Variants in PLEKHS1 observed in about 807,000 individuals in gnomAD.
The protein encoded by PLEKHS1 is pleckstrin homology domain containing S1.
A neutral mutation model predicts 51.0 loss-of-function variants in PLEKHS1; 55 were observed. The ratio of observed to expected loss-of-function variants is 1.08; its 90% confidence interval spans 0.87 to 1.35. The LOEUF (loss-of-function observed/expected upper bound fraction) is 1.35, where lower values mean the gene tolerates loss of function less well. Among genes scored for constraint, PLEKHS1 ranks in the 40% most tolerant of loss-of-function variants. The pLI, the probability that PLEKHS1 is intolerant of heterozygous loss-of-function variation, is 0.00. For missense variants in PLEKHS1, 398 were observed against 423.0 expected (o/e 0.94, Z 0.52); for synonymous variants, 153 against 144.8 (o/e 1.06, Z -0.41).
chr10:113,769,755 C>A (rs1844317014), intron 6 of PLEKHS1, 29 bp from the exon 7 acceptor site: 2 of 1,429,778 alleles, frequency 1.4e-6, no homozygotes, highest in Non-Finnish European at 9.9e-7. Context: ...ATCAACTGTG[C>A]CCTGACTGAT....
intron 2 of PLEKHS1, among the ~76,000 whole-genome samples, chr10:113,758,183 C>T (rs747032441): frequency 8.5e-5 from 13 of 152,122 alleles, no homozygotes; most frequent in African/African-American, 2.4e-4. Context: ...GAATCCTTTC[C>T]AGAAGGTTTT....
At chr10:113,777,060 C>A in intron 11 of PLEKHS1, 64 bp from the exon 12 acceptor site, 1 of 1,583,590 alleles carries the variant, frequency 6.3e-7, no homozygotes, top group South Asian at 1.2e-5. Context: ...GGAGACCCTG[C>A]GTGCCCTGCC....
chr10:113,766,677 T>C (rs1285900256), exon 4 of PLEKHS1: 1 of 1,612,578 alleles, frequency 6.2e-7, no homozygotes, highest in South Asian at 1.1e-5. Flanking sequence ...GTCTTTCCTA[T>C]TATAAAGACC....
At position 113,769,768 on chromosome 10, in the gene PLEKHS1, CTTTT is replaced by C. The variant is rs750186238; in HGVS notation, c.436-12_436-9del. 4 of 1,561,868 alleles carry C rather than the reference CTTTT, an allele frequency of 2.6e-6. No individual in the cohort carries two copies. The South Asian group carries it at 4.5e-5, about 17-fold the overall frequency. ...AGATCAACTGTGCCCTGACTGATTC[CTTTT>C]TTTGTGAGCAGGAGGAACTCTCATT... On this transcript the variant is annotated splice_polypyrimidine_tract_variant and intron_variant, in intron 6 of 11. Transcript: ENST00000361048.
chr10:113,752,704 C>G (rs187869663), intron 1 of PLEKHS1, among the ~76,000 whole-genome samples: 4 of 152,324 alleles, frequency 2.6e-5, no homozygotes, highest in Admixed American at 2.6e-4. Flanking sequence ...AACCACCACA[C>G]CCTACTGCCT....
chr10:113,769,685 T>A, intron 6 of PLEKHS1, 99 bp from the exon 7 acceptor site: 1 of 760,060 alleles, frequency 1.3e-6, no homozygotes, highest in Non-Finnish European at 2.3e-6. Context: ...TAGATTGCTA[T>A]GGGAAAAGAC....
intron 2 of PLEKHS1, among the ~76,000 whole-genome samples, chr10:113,765,916 G>A (rs1274144501): frequency 6.6e-6 from 1 of 152,198 alleles, no homozygotes; most frequent in African/African-American, 2.4e-5. Context: ...GGTAATAGCT[G>A]GGGCTATTAG....
At chr10:113,756,405 G>A (rs949369481) in intron 2 of PLEKHS1, among the ~76,000 whole-genome samples, 1 of 152,158 alleles carries the variant, frequency 6.6e-6, no homozygotes. Flanking sequence ...AGGTTGCAGA[G>A]AGCCAAGATC....
chr10:113,775,973 G>A, intron 11 of PLEKHS1, 107 bp downstream of exon 11: 1 of 793,942 alleles, frequency 1.3e-6, no homozygotes, highest in Non-Finnish European at 1.9e-6. Context: ...TAGGTTTGGG[G>A]CGGGGGAGCT....
chr10:113,778,867 G>A (rs1395423764), intron 11 of PLEKHS1, among the ~76,000 whole-genome samples: 1 of 152,082 alleles, frequency 6.6e-6, no homozygotes, highest in Non-Finnish European at 1.5e-5. Context: ...TCCTGACCTC[G>A]TGATCCGCCC....
At chr10:113,774,752 A>T in intron 9 of PLEKHS1, 74 bp from the exon 10 acceptor site, 1 of 1,388,404 alleles carries the variant, frequency 7.2e-7, no homozygotes, top group East Asian at 2.3e-5. Flanking sequence ...TAGCTACTTA[A>T]ATCTGACACA....
chr10:113,767,313 T>C (rs1173871796), intron 4 of PLEKHS1, 32 bp from the exon 5 acceptor site: 1 of 1,494,306 alleles, frequency 6.7e-7, no homozygotes. Flanking sequence ...TGTATTTACC[T>C]TGGTTTAATA....
rs1347993824 is a variant in PLEKHS1, at chr10:113,767,482, G to A, written c.359+3G>A. The A allele has an allele frequency of 3.1e-6, 5 of 1,602,560 alleles. 1 individual carries two copies. The highest frequency in any genetic ancestry group is 1.7e-6 in the Non-Finnish European group (2 of 1,176,286). On this transcript the variant is annotated splice_donor_region_variant and intron_variant, in intron 5 of 11. Coordinates refer to ENST00000361048, the Ensembl canonical transcript of PLEKHS1. ...TACTTCCTCATTGGCCACGACAGGTGAGAGAAGTAAGATAACACAGAATAT... is the reference window on the plus strand; with the variant it reads ...TACTTCCTCATTGGCCACGACAGGTAAGAGAAGTAAGATAACACAGAATAT...
chr10:113,767,507 T>C (rs781530050), intron 5 of PLEKHS1, 28 bp downstream of exon 5: 6 of 1,579,140 alleles, frequency 3.8e-6, no homozygotes, highest in Non-Finnish European at 5.1e-6. Flanking sequence ...ACACAGAATA[T>C]CTACTGCATG....
At chr10:113,766,962 G>A (rs879371510) in intron 4 of PLEKHS1, among the ~76,000 whole-genome samples, 1 of 152,186 alleles carries the variant, frequency 6.6e-6, no homozygotes, top group Non-Finnish European at 1.5e-5. Flanking sequence ...CAGTTAAGGA[G>A]TTTGATTCAC....
chr10:113,752,547 C>CT lies in PLEKHS1; in HGVS notation c.-20+786_-20+787insT, dbSNP rs1853893554. Among the ~76,000 whole-genome samples the CT allele has an allele frequency of 4.6e-5, 7 of 152,180 alleles. No homozygotes were observed. The South Asian group carries it at 1.5e-3, about 32-fold the overall frequency. ...TCAACAGGGTATCTCAAGTGATACT[C>CT]CCAGCAATCTGATGAGGGTAGTAAT... On this transcript the variant is annotated intron_variant, in intron 1 of 11. Coordinates refer to ENST00000361048, the Ensembl canonical transcript of PLEKHS1.
chr10:113,762,974 A>C (rs1844009116), intron 2 of PLEKHS1, among the ~76,000 whole-genome samples: 1 of 152,066 alleles, frequency 6.6e-6, no homozygotes, highest in South Asian at 2.1e-4. Flanking sequence ...TTAAAACATT[A>C]AAAATGCATC....
chr10:113,759,798 G>C (rs1843835421), intron 2 of PLEKHS1, among the ~76,000 whole-genome samples: 1 of 152,084 alleles, frequency 6.6e-6, no homozygotes, highest in African/African-American at 2.4e-5. Context: ...AATCAAAATG[G>C]CTGGGTCATA....
In PLEKHS1 at chr10:113,752,061, T is replaced by G. The variant is rs565189116; in HGVS notation, c.-20+300T>G. On this transcript the variant is annotated intron_variant, in intron 1 of 11. Transcript: ENST00000361048. ...AAACAGCTAAATCAGAAAGGCTTTC[T>G]TTTTTGTTTGGGGGCAATGACAAGA... Among the ~76,000 whole-genome samples, 2 of 152,264 alleles carry G rather than the reference T, an allele frequency of 1.3e-5. 1 individual carries two copies. The highest frequency in any genetic ancestry group is 4.2e-4 in the South Asian group (2 of 4,818).
Sources: gnomAD v4.1 joint callset for allele counts (sites outside exome capture counted in the v4.1 genomes callset) on GRCh38, gnomAD v4.1.1 for gene constraint, MANE v1.5 for transcripts, NCBI Gene and HGNC (gene_info 2026-07-23, HGNC 2026-07-21) for gene names.